IRF6: variants seen among roughly 807,000 people sequenced by gnomAD.
IRF6 encodes the protein interferon regulatory factor 6.
In IRF6, 6 loss-of-function variants were observed where a neutral mutation model predicts 51.4. The ratio of observed to expected loss-of-function variants is 0.12; its 90% CI spans 0.06 to 0.23. The LOEUF (loss-of-function observed/expected upper bound fraction) is 0.23, where lower values mean the gene tolerates loss of function less well. Among genes scored for constraint, IRF6 ranks in the 10% least tolerant of loss-of-function variants. The probability of loss-of-function intolerance (pLI) is 1.00; values close to 1 mark genes in which losing one functional copy is unlikely to be tolerated. For missense variants in IRF6, 348 were observed against 585.2 expected (o/e 0.59, Z 4.18); for synonymous variants, 178 against 215.7 (o/e 0.83, Z 1.53).
At chr1:209,794,940 G>A (rs534625184) in intron 5 of IRF6, among the ~76,000 whole-genome samples, 52 of 152,310 alleles carry the variant, frequency 3.4e-4, no homozygotes, top group African/African-American at 1.2e-3. Context: ...GAGTTTGCCC[G>A]TAACTCGAAA....
intron 4 of IRF6, 144 bp from the exon 5 acceptor site, chr1:209,795,562 T>A: frequency 7.8e-7 from 1 of 1,278,902 alleles, no homozygotes. Flanking sequence ...CTAAAAAGAG[T>A]GAGAATCAAG....
chr1:209,790,478 T>C lies in IRF6; in HGVS notation c.1060+17A>G. ...AGAGAGTGATTCCCACGATCAACTTTCTGAGAAATGACTTACCGCTAAGGA... is the reference window on the plus strand; with the variant it reads ...AGAGAGTGATTCCCACGATCAACTTCCTGAGAAATGACTTACCGCTAAGGA... On this transcript the variant is annotated intron_variant, in intron 7 of 8. Coordinates refer to ENST00000367021, the MANE Select transcript of IRF6 (RefSeq NM_006147.4). The surrounding 1 kb of genome is among the most constrained non-coding windows in gnomAD (Gnocchi z 4.8). The C allele has an allele frequency of 6.2e-7, 1 of 1,612,942 alleles. No individual in the cohort carries two copies.
Position 209,796,667 on chromosome 1 carries a change from A to ACACC in IRF6, c.175-116_175-115insGGTG. On this transcript the variant is annotated intron_variant, in intron 3 of 8. Coordinates refer to ENST00000367021, the MANE Select transcript of IRF6 (RefSeq NM_006147.4). This position sits in a 1 kb window ranked among gnomAD's most constrained non-coding sequence, Gnocchi z 4.5. Reference sequence around the variant, plus strand: ...CACACACACACACACACACACACACACACACACACAACTTTTGCATGACTG... The same window carrying ACACC: ...CACACACACACACACACACACACACACACCCACACACACAACTTTTGCATGACTG... 2.5e-6 allele frequency: 2 copies of ACACC among 801,986 alleles called. No individual in the cohort carries two copies. The highest frequency in any genetic ancestry group is 4.2e-6 in the Non-Finnish European group (2 of 478,108). 49.7% of individuals were successfully genotyped at this position (801,986 alleles called of 1,614,324 possible). A position where few individuals can be genotyped will look rare whatever the true frequency, so the allele number is the denominator to read the frequency against.
In IRF6 at chr1:209,796,678, A is replaced by ACACAC; in HGVS notation, c.175-127_175-126insGTGTG. On this transcript the variant is annotated intron_variant, in intron 3 of 8. Transcript: ENST00000367021. This position sits in a 1 kb window ranked among gnomAD's most constrained non-coding sequence, Gnocchi z 4.5. The stretch of plus-strand genomic sequence containing the variant: ...ACACACACACACACACACACACACA[A>ACACAC]CTTTTGCATGACTGCCCCATCATCC... 4.6e-6 allele frequency: 2 copies of ACACAC among 438,460 alleles called. No individual in the cohort carries two copies. 27.2% of individuals were successfully genotyped at this position (438,460 alleles called of 1,614,324 possible). A position where few individuals can be genotyped will look rare whatever the true frequency, so the allele number is the denominator to read the frequency against.
At position 209,790,828 on chromosome 1, in the gene IRF6, C is replaced by T. The variant is rs750893421; in HGVS notation, c.727G>A (p.Val243Met). ...RGKEYGQTMT[V>M]SNPQGCRLFY... ...AGTCGGCAGCCCTGAGGGTTGCTCA[C>T]GGTCATGGTCTGCCCGTACTCCTTC... is the stretch of plus-strand genomic sequence containing the variant. Residue 243 changes from valine (V) to methionine (M), a missense_variant, in exon 7 of 9, where the codon GTG becomes ATG. Coordinates refer to ENST00000367021, the MANE Select transcript of IRF6 (RefSeq NM_006147.4). This position sits in a 1 kb window ranked among gnomAD's most constrained non-coding sequence, Gnocchi z 4.8. 3 of 1,613,756 alleles carry T rather than the reference C, an allele frequency of 1.9e-6. No homozygotes were observed. The highest frequency in any genetic ancestry group is 2.5e-6 in the Non-Finnish European group (3 of 1,180,034).
At chr1:209,795,152 C>G (rs2077892713) in intron 5 of IRF6, 138 bp downstream of exon 5, 1 of 1,032,284 alleles carries the variant, frequency 9.7e-7, no homozygotes, top group Admixed American at 1.7e-5. Context: ...CTGACTCCCA[C>G]TTGCTAACAG....
At chr1:209,803,019 TC>T (rs2077953059) in intron 1 of IRF6, among the ~76,000 whole-genome samples, 1 of 152,134 alleles carries the variant, frequency 6.6e-6, no homozygotes, top group Admixed American at 6.6e-5. Context: ...ACTGAAACCT[TC>T]CCCCTGGGAG....
At chr1:209,789,882 C>G in intron 7 of IRF6, 97 bp from the exon 8 acceptor site, 1 of 815,194 alleles carries the variant, frequency 1.2e-6, no homozygotes, top group Non-Finnish European at 2.1e-6. Context: ...TAGCCACTAG[C>G]CACATGTGCT....
At chr1:209,795,155 G>T in intron 5 of IRF6, 135 bp downstream of exon 5, 1 of 1,045,636 alleles carries the variant, frequency 9.6e-7, no homozygotes, top group Non-Finnish European at 1.5e-6. Flanking sequence ...ACTCCCACTT[G>T]CTAACAGTCC....
At chr1:209,802,127 A>C (rs1301163766) in intron 1 of IRF6, 84 bp from the exon 2 acceptor site, 1 of 152,278 alleles carries the variant, frequency 6.6e-6, no homozygotes, top group African/African-American at 2.4e-5. Flanking sequence ...CACTGGCGAC[A>C]AAGGCTGAGA....
At chr1:209,797,339 G>A (rs536361038) in intron 3 of IRF6, among the ~76,000 whole-genome samples, 19 of 122,932 alleles carry the variant, frequency 1.5e-4, no homozygotes, top group Non-Finnish European at 2.8e-4. Flanking sequence ...CATTGCACCC[G>A]AGCCTGGGCA....
chr1:209,790,716 T>C lies in IRF6; in HGVS notation c.839A>G (p.Glu280Gly). The C allele has an allele frequency of 6.2e-7, 1 of 1,614,192 alleles. No homozygotes were observed. ...SLEQVKFPGP[E>G]HITNEKQKLF... ...CTTCTGCTTCTCATTGGTAATATGC[T>C]CAGGACCTGGGAATTTGACCTGCTC... Residue 280 changes from glutamate (E) to glycine (G), a missense_variant, in exon 7 of 9, where the codon GAG (glutamate) becomes GGG (glycine). Around this residue, in one of 5 missense-constraint regions of IRF6, gnomAD observed 125 missense variants for 222.0 expected, o/e 0.56. Transcript: ENST00000367021. This position sits in a 1 kb window ranked among gnomAD's most constrained non-coding sequence, Gnocchi z 4.8.
In IRF6 at chr1:209,802,041, A is replaced by G. The variant is rs861019; in HGVS notation, c.-73T>C. On this transcript the variant is annotated splice_region_variant and 5_prime_UTR_variant, in exon 2 of 9. Transcript: ENST00000367021. ...TTGTCTTTCCCTTGACCGCTCAAAG[A>G]TTCTGTATGGAGAAAAGGAGGGGTC... is the stretch of plus-strand genomic sequence containing the variant. 0.43 allele frequency: 65,826 copies of G among 152,032 alleles called. 14,711 individuals are homozygous for G. Among genetic ancestry groups the G allele is most frequent in the African/African-American group, 0.51 (20,941 of 41,438 alleles). 9.4% of individuals were successfully genotyped at this position (152,032 alleles called of 1,614,324 possible).
chr1:209,796,293 T>C lies in IRF6; in HGVS notation c.379+55A>G, dbSNP rs1025567431. 3 of 1,430,424 alleles carry C rather than the reference T, an allele frequency of 2.1e-6. No homozygotes were observed. Among genetic ancestry groups the C allele is most frequent in the Non-Finnish European group, 2.0e-6 (2 of 1,015,192 alleles). 88.6% of individuals were successfully genotyped at this position (1,430,424 alleles called of 1,614,324 possible). On this transcript the variant is annotated intron_variant, in intron 4 of 8. Coordinates refer to ENST00000367021, the MANE Select transcript of IRF6 (RefSeq NM_006147.4). The surrounding 1 kb of genome is among the most constrained non-coding windows in gnomAD (Gnocchi z 4.5). ...TTTCAAGTTGACTATCTCTTAAGAG[T>C]GCAGCCCAGAATCTGGCATGCTGCC...
At chr1:209,793,476 G>T (rs1264352365) in intron 5 of IRF6, among the ~76,000 whole-genome samples, 3 of 152,184 alleles carry the variant, frequency 2.0e-5, no homozygotes, top group African/African-American at 7.2e-5. Context: ...GAGAATAACA[G>T]AATGAGTCAG....
At chr1:209,805,279 C>T (rs953094744) in intron 1 of IRF6, among the ~76,000 whole-genome samples, 2 of 152,156 alleles carry the variant, frequency 1.3e-5, no homozygotes, top group Non-Finnish European at 2.9e-5. Flanking sequence ...AGAGTGACAC[C>T]TCAGGCCTCC....
At chr1:209,801,121 A>G (rs1230358041) in intron 3 of IRF6, 119 bp downstream of exon 3, 2 of 874,632 alleles carry the variant, frequency 2.3e-6, no homozygotes, top group Non-Finnish European at 3.5e-6. Context: ...GAGTTTGGGC[A>G]CCCCCATCAT....
intron 3 of IRF6, among the ~76,000 whole-genome samples, chr1:209,798,343 A>G (rs1558041842): frequency 5.3e-5 from 8 of 152,122 alleles, no homozygotes; most frequent in Middle Eastern, 3.2e-3. Flanking sequence ...TGCCTCCCCA[A>G]ATTTTCCCTT....
rs556751280 is a variant in IRF6 at position 209,805,502 on chromosome 1, A to G, written c.-76+445T>C. Among the ~76,000 whole-genome samples the G allele has an allele frequency of 5.4e-4, 82 of 152,320 alleles. 2 individuals carry two copies. The South Asian group carries it at 0.014, about 26-fold the overall frequency. On this transcript the variant is annotated intron_variant, in intron 1 of 8. Transcript: ENST00000367021. ...CTCAGGGAGGGAAGACAAACCGCCA[A>G]TGCTCCAAAGCTCCTGGCCACCCTC...
Sources: allele counts gnomAD v4.1 joint callset (sites outside exome capture counted in the v4.1 genomes callset), GRCh38; gene constraint gnomAD v4.1.1; regional missense constraint gnomAD v4.1.1; non-coding constraint Gnocchi (gnomAD v3.1); transcripts MANE v1.5; gene names NCBI Gene and HGNC (gene_info 2026-07-23, HGNC 2026-07-21).